KDM4C: variants seen among roughly 807,000 people sequenced by gnomAD.
KDM4C encodes lysine-specific demethylase 4C.
A neutral mutation model predicts 129.3 loss-of-function variants in KDM4C; 81 were observed. The observed-to-expected ratio is 0.63, with a 90% CI of 0.52 to 0.75. KDM4C has a LOEUF of 0.75. KDM4C is among the 30% of genes least tolerant of loss of function. KDM4C has a pLI of 0.00. For missense variants in KDM4C, 1,457 were observed against 1,304.0 expected (o/e 1.12, Z -1.81); for synonymous variants, 573 against 456.1 (o/e 1.26, Z -3.26).
At chr9:7,046,156 A>G (rs1829357696) in intron 15 of KDM4C, among the ~76,000 whole-genome samples, 1 of 151,938 alleles carries the variant, frequency 6.6e-6, no homozygotes, top group Non-Finnish European at 1.5e-5. Flanking sequence ...AACTAATAAA[A>G]TCTATATTTG....
chr9:6,928,071 A>T (rs1238114380), intron 8 of KDM4C, among the ~76,000 whole-genome samples: 1 of 152,082 alleles, frequency 6.6e-6, no homozygotes, highest in Non-Finnish European at 1.5e-5. Context: ...TTCCTTTTTT[A>T]GCCCACTCCA....
intron 8 of KDM4C, among the ~76,000 whole-genome samples, chr9:6,902,013 C>T (rs1162070578): frequency 6.6e-6 from 1 of 152,130 alleles, no homozygotes; most frequent in African/African-American, 2.4e-5. Context: ...TCCTGTGACT[C>T]TGGTGGATGC....
chr9:6,900,861 G>T (rs1241552191), intron 8 of KDM4C, among the ~76,000 whole-genome samples: 2 of 152,082 alleles, frequency 1.3e-5, no homozygotes, highest in Non-Finnish European at 2.9e-5. Flanking sequence ...TGGATAAAAG[G>T]ACTTGTGTAT....
chr9:6,857,995 C>G (rs1316873656), intron 5 of KDM4C, among the ~76,000 whole-genome samples: 1 of 144,420 alleles, frequency 6.9e-6, no homozygotes, highest in African/African-American at 2.6e-5. Flanking sequence ...AACTCCTGAG[C>G]TAAGGCAGTC....
chr9:6,841,683 G>A (rs1239719231), intron 4 of KDM4C, among the ~76,000 whole-genome samples: 1 of 152,118 alleles, frequency 6.6e-6, no homozygotes, highest in Non-Finnish European at 1.5e-5. Context: ...CACAGTCTCC[G>A]TGTTGATATT....
At chr9:6,795,103 G>C (rs1011217583) in intron 2 of KDM4C, among the ~76,000 whole-genome samples, 2 of 152,128 alleles carry the variant, frequency 1.3e-5, no homozygotes, top group Admixed American at 6.5e-5. Flanking sequence ...CTGCCAGGCC[G>C]AACCACTCAG....
At position 6,986,522 on chromosome 9, in the gene KDM4C, T is replaced by A; in HGVS notation, c.1533T>A (p.Pro511=). ...DPSELSWPKS[P]ESCSSVAESN... is the part of the protein sequence containing the mutation. ...CCGAGCTTTCATGGCCAAAGTCACCTGAGTCATGCTCATCAGTGGCAGAGA... is the reference window on the plus strand; with the variant it reads ...CCGAGCTTTCATGGCCAAAGTCACCAGAGTCATGCTCATCAGTGGCAGAGA... Residue 511 remains proline (P), a synonymous_variant, in exon 11 of 22, where the codon CCT becomes CCA. Coordinates refer to ENST00000381309, the MANE Select transcript of KDM4C (RefSeq NM_015061.6). The A allele has an allele frequency of 1.9e-6, 3 of 1,614,160 alleles. No homozygotes were observed. The South Asian group carries it at 3.3e-5, about 18-fold the overall frequency.
At position 6,971,968 on chromosome 9, in the gene KDM4C, C is replaced by T. The variant is rs147343177; in HGVS notation, c.922-8957C>T. On this transcript the variant is annotated intron_variant, in intron 8 of 21. Coordinates refer to ENST00000381309, the MANE Select transcript of KDM4C (RefSeq NM_015061.6). ...TGGAGCATATACTATGTAATGATGA[C>T]AGATATTCAGTGGTAAAACAGACCT... Among the ~76,000 whole-genome samples the T allele has an allele frequency of 4.1e-4, 62 of 152,176 alleles. 3 individuals are homozygous for T. In the East Asian group the frequency reaches 0.011, roughly 27 times the overall value.
chr9:6,857,223 A>T (rs578063940), intron 5 of KDM4C, among the ~76,000 whole-genome samples: 4 of 152,186 alleles, frequency 2.6e-5, no homozygotes, highest in African/African-American at 9.7e-5. Context: ...GCTCAAGCCC[A>T]GGGGTTCGAA....
At chr9:6,877,061 A>G (rs928428511) in intron 5 of KDM4C, among the ~76,000 whole-genome samples, 28 of 152,240 alleles carry the variant, frequency 1.8e-4, no homozygotes, top group Non-Finnish European at 1.5e-4. Flanking sequence ...TTTTCAGGGT[A>G]TGCTGGGTAC....
intron 8 of KDM4C, among the ~76,000 whole-genome samples, chr9:6,930,712 T>A (rs1306130782): frequency 7.4e-6 from 1 of 135,326 alleles, no homozygotes; most frequent in East Asian, 2.0e-4. Flanking sequence ...CATATGATTA[T>A]ACTATTATTA....
chr9:6,830,472 A>T (rs1370416165), intron 4 of KDM4C, among the ~76,000 whole-genome samples: 1 of 152,212 alleles, frequency 6.6e-6, no homozygotes, highest in African/African-American at 2.4e-5. Context: ...AGAGTCATGA[A>T]TGCCAGGAGT....
intron 15 of KDM4C, among the ~76,000 whole-genome samples, chr9:7,032,828 T>C (rs1257305445): frequency 6.6e-6 from 1 of 152,222 alleles, no homozygotes; most frequent in Non-Finnish European, 1.5e-5. Context: ...TTTGTTTACA[T>C]TGAAAATAAA....
intron 4 of KDM4C, chr9:6,814,964 A>T (rs1831815396): frequency 2.6e-6 from 1 of 383,884 alleles, no homozygotes; most frequent in Non-Finnish European, 4.6e-6. Context: ...CAGTAGTAAC[A>T]TGGTATGTGG....
chr9:6,881,938 A>C, intron 6 of KDM4C, among the ~76,000 whole-genome samples: 1 of 152,224 alleles, frequency 6.6e-6, no homozygotes, highest in Non-Finnish European at 1.5e-5. Context: ...TTGATTCATA[A>C]AATGAAAAGT....
intron 17 of KDM4C, chr9:7,076,584 T>C: frequency 6.7e-7 from 1 of 1,499,652 alleles, no homozygotes; most frequent in Non-Finnish European, 8.9e-7. Context: ...GCAGCCAGCA[T>C]CGTGTTTAGG....
intron 1 of KDM4C, among the ~76,000 whole-genome samples, chr9:6,736,458 A>G (rs1357700322): frequency 6.6e-6 from 1 of 152,112 alleles, no homozygotes; most frequent in Non-Finnish European, 1.5e-5. Flanking sequence ...TGTGCAGTCT[A>G]GGGACTTGTT....
chr9:7,027,139 A>T (rs955313382), intron 15 of KDM4C, among the ~76,000 whole-genome samples: 13 of 152,064 alleles, frequency 8.5e-5, no homozygotes, highest in African/African-American at 2.7e-4. Context: ...GATTGTCTTG[A>T]TGCTTATGGA....
chr9:7,049,826 A>G (rs930897691), intron 17 of KDM4C, among the ~76,000 whole-genome samples: 1 of 152,084 alleles, frequency 6.6e-6, no homozygotes, highest in South Asian at 2.1e-4. Flanking sequence ...GTTTTATTCA[A>G]TTATGAGCCA....
Sources: gnomAD v4.1 joint callset for allele counts (sites outside exome capture counted in the v4.1 genomes callset) on GRCh38, gnomAD v4.1.1 for gene constraint, MANE v1.5 for transcripts, NCBI Gene and HGNC (gene_info 2026-07-23, HGNC 2026-07-21) for gene names.